The following ACTR3 variants were observed in gnomAD, a reference collection of about 807,000 sequenced individuals.
ACTR3 encodes the protein actin related protein 3.
In ACTR3, 12 loss-of-function variants were observed where a neutral mutation model predicts 56.8. The ratio of observed to expected loss-of-function variants is 0.21; its 90% CI spans 0.14 to 0.34. The LOEUF (loss-of-function observed/expected upper bound fraction) is 0.34, where lower values mean the gene tolerates loss of function less well. Ranked by LOEUF, ACTR3 falls within the 10% of genes least tolerant of loss-of-function variation. The pLI is 1.00. For synonymous variants in ACTR3, 162 were observed against 167.4 expected, an observed-to-expected ratio of 0.97 and a Z score of 0.25; for missense variants, 282 against 512.5, an observed-to-expected ratio of 0.55 and a Z score of 4.34.
intron 3 of ACTR3, among the ~76,000 whole-genome samples, chr2:113,917,871 C>G (rs1679436429): frequency 6.6e-6 from 1 of 152,184 alleles, no homozygotes; most frequent in Admixed American, 6.5e-5. Context: ...ACACAGTGCT[C>G]TGTGCATGTA....
intron 11 of ACTR3, 68 bp from the exon 12 acceptor site, chr2:113,957,292 T>A: frequency 1.7e-6 from 2 of 1,169,988 alleles, no homozygotes; most frequent in Non-Finnish European, 2.5e-6. Flanking sequence ...CTCTTAAAGT[T>A]TATTTCAATA....
At chr2:113,955,835 C>A in intron 11 of ACTR3, 129 bp downstream of exon 11, 4 of 613,364 alleles carry the variant, frequency 6.5e-6, no homozygotes, top group Non-Finnish European at 1.1e-5. Context: ...GCAACCTCCA[C>A]CTCCTGGGTT....
intron 3 of ACTR3, among the ~76,000 whole-genome samples, chr2:113,920,235 T>C (rs890606977): frequency 6.6e-6 from 1 of 152,240 alleles, no homozygotes; most frequent in African/African-American, 2.4e-5. Context: ...TTATTTTATT[T>C]TTTATAGAGA....
intron 4 of ACTR3, among the ~76,000 whole-genome samples, chr2:113,929,128 T>C (rs203897): frequency 2.1e-5 from 3 of 139,656 alleles, no homozygotes; most frequent in African/African-American, 8.6e-5. Flanking sequence ...TGGGCTATTT[T>C]TGTTTTTTTT....
At chr2:113,941,476 G>A (rs75206302) in intron 7 of ACTR3, among the ~76,000 whole-genome samples, 1 of 151,906 alleles carries the variant, frequency 6.6e-6, no homozygotes, top group Admixed American at 6.6e-5. Context: ...TGTGTATTTT[G>A]ATTATTACTG....
chr2:113,946,851 T>C (rs966446971), intron 8 of ACTR3, among the ~76,000 whole-genome samples: 1 of 152,238 alleles, frequency 6.6e-6, no homozygotes. Flanking sequence ...ATTAACTTTC[T>C]TGTTATACAC....
chr2:113,947,037 A>G (rs1680035314), intron 8 of ACTR3, among the ~76,000 whole-genome samples: 1 of 152,154 alleles, frequency 6.6e-6, no homozygotes, highest in Admixed American at 6.5e-5. Flanking sequence ...GAGTCAAGAG[A>G]CGGGAGAGAT....
At chr2:113,902,392 T>C (rs904887779) in intron 1 of ACTR3, among the ~76,000 whole-genome samples, 1 of 151,978 alleles carries the variant, frequency 6.6e-6, no homozygotes, top group Non-Finnish European at 1.5e-5. Flanking sequence ...AATGATGTAT[T>C]ATATATTTTA....
In ACTR3 at chr2:113,891,569, G is replaced by GT. The variant is rs749522901; in HGVS notation, c.44+1258dup. 7.7e-3 allele frequency among the ~76,000 whole-genome samples: 1,025 copies of GT among 132,646 alleles called. 5 individuals carry two copies. The highest frequency in any genetic ancestry group is 9.7e-3 in the Non-Finnish European group (621 of 64,192). 87.0% of individuals were successfully genotyped at this position (132,646 alleles called of 152,430 possible). A position where few individuals can be genotyped will look rare whatever the true frequency, so the allele number is the denominator to read the frequency against. On this transcript the variant is annotated intron_variant, in intron 1 of 11. Coordinates refer to ENST00000263238, the MANE Select transcript of ACTR3 (RefSeq NM_005721.5). ...CTCTCCAATTCCCAGAACACTCCCA[G>GT]TTTTTTTTTTTTGAGGGGGAAGTCA...
chr2:113,892,102 A>C (rs1310429834), intron 1 of ACTR3, among the ~76,000 whole-genome samples: 3 of 152,218 alleles, frequency 2.0e-5, no homozygotes, highest in Non-Finnish European at 4.4e-5. Flanking sequence ...TAATATGGTA[A>C]CATCTCAAGT....
At position 113,957,405 on chromosome 2, in the gene ACTR3, A is replaced by G. The variant is rs750979294; in HGVS notation, c.1207A>G (p.Ile403Val). ...CCACACCAAAAAGGATTATGAAGAA[A>G]TTGGACCTAGCATTTGTCGTCACAA... is the stretch of plus-strand genomic sequence containing the variant. Reference protein sequence around the residue: ...VCHTKKDYEEIGPSICRHNPV... With the variant: ...VCHTKKDYEEVGPSICRHNPV... Residue 403 changes from isoleucine to valine, a missense_variant, in exon 12 of 12, where the codon ATT becomes GTT. Ile to Val is a conservative substitution (Grantham distance 29, BLOSUM62 3). Transcript: ENST00000263238. 5 of 1,613,510 alleles carry G rather than the reference A, an allele frequency of 3.1e-6. No homozygotes were observed. The highest frequency in any genetic ancestry group is 4.2e-6 in the Non-Finnish European group (5 of 1,179,638).
intron 1 of ACTR3, 71 bp downstream of exon 1, chr2:113,890,394 C>A: frequency 7.1e-7 from 1 of 1,414,192 alleles, no homozygotes; most frequent in Non-Finnish European, 9.5e-7. Flanking sequence ...AGGGAGGAGG[C>A]CGGGAAATGA....
At position 113,961,593 on chromosome 2, in the gene ACTR3, T is replaced by C. The variant is rs1680327188; in HGVS notation, c.*4138T>C. The C allele has an allele frequency of 1.3e-5, 2 of 152,002 alleles. No homozygotes were observed. The highest frequency in any genetic ancestry group is 6.6e-5 in the Admixed American group (1 of 15,228). The allele number at this position is 152,002 out of a possible 1,614,324, so 9.4% of individuals were successfully genotyped here. On this transcript the variant is annotated 3_prime_UTR_variant, in exon 12 of 12. Coordinates refer to ENST00000263238, the MANE Select transcript of ACTR3 (RefSeq NM_005721.5). Reference sequence around the variant, plus strand: ...TTATTCAAGCACCAACATTCACTTATATTACCTATATATTGCATCAAGTTT... The same window carrying C: ...TTATTCAAGCACCAACATTCACTTACATTACCTATATATTGCATCAAGTTT...
chr2:113,915,360 C>T (rs1679385717), intron 2 of ACTR3, among the ~76,000 whole-genome samples: 1 of 152,166 alleles, frequency 6.6e-6, no homozygotes, highest in Non-Finnish European at 1.5e-5. Context: ...CATCATCATC[C>T]TTCTGTATCT....
chr2:113,931,701 A>T (rs1448680426), intron 5 of ACTR3, among the ~76,000 whole-genome samples: 3 of 152,244 alleles, frequency 2.0e-5, no homozygotes, highest in East Asian at 3.9e-4. Context: ...AACATTGTAT[A>T]TATATTTATC....
intron 10 of ACTR3, chr2:113,952,335 T>C (rs956089570): frequency 6.6e-6 from 1 of 152,366 alleles, no homozygotes; most frequent in African/African-American, 2.4e-5. Flanking sequence ...CCTGGACCTT[T>C]AGGCTTGAGG....
At chr2:113,898,922 T>A (rs1307162232) in intron 1 of ACTR3, among the ~76,000 whole-genome samples, 1 of 152,170 alleles carries the variant, frequency 6.6e-6, no homozygotes, top group African/African-American at 2.4e-5. Flanking sequence ...GATTTAGAAT[T>A]TTAGTCCTGG....
At chr2:113,953,145 T>C (rs1680148734) in intron 10 of ACTR3, 1 of 152,180 alleles carries the variant, frequency 6.6e-6, no homozygotes, top group Non-Finnish European at 1.5e-5. Context: ...TACAAAACAA[T>C]GCTGTATGTT....
intron 3 of ACTR3, among the ~76,000 whole-genome samples, chr2:113,923,377 G>A (rs967431847): frequency 1.3e-5 from 2 of 151,450 alleles, no homozygotes; most frequent in Admixed American, 6.6e-5. Context: ...TGGCTCTGTC[G>A]CCCAGGCTAG....
Sources: gnomAD v4.1 joint callset for allele counts (sites outside exome capture counted in the v4.1 genomes callset) on GRCh38, gnomAD v4.1.1 for gene constraint, MANE v1.5 for transcripts, NCBI Gene and HGNC (gene_info 2026-07-23, HGNC 2026-07-21) for gene names.